Variants in STPG2 observed in about 807,000 individuals in gnomAD.
STPG2 encodes sperm-tail PG-rich repeat-containing protein 2.
STPG2 carries 56 observed loss-of-function variants against 54.2 expected under a neutral mutation model. The observed-to-expected ratio is 1.03, with a 90% CI of 0.83 to 1.29. The LOEUF is 1.29. Ranked by LOEUF, STPG2 falls within the 50% of genes most tolerant of loss-of-function variation. The pLI is 0.00. For synonymous variants in STPG2, 200 were observed against 181.8 expected (o/e 1.10, Z -0.81); for missense variants, 596 against 544.9 (o/e 1.09, Z -0.93).
intron 4 of STPG2, among the ~76,000 whole-genome samples, chr4:97,543,240 T>C (rs537713452): frequency 2.2e-4 from 33 of 151,638 alleles, no homozygotes; most frequent in Non-Finnish European, 3.1e-4. Context: ...AAATTTCGTT[T>C]ATAAAGAAAA....
chr4:97,546,896 G>T (rs1731845156), intron 4 of STPG2, among the ~76,000 whole-genome samples: 1 of 152,080 alleles, frequency 6.6e-6, no homozygotes, highest in Non-Finnish European at 1.5e-5. Flanking sequence ...TGTGAGAAGT[G>T]AAACAACAGA....
At chr4:97,733,628 C>T (rs995738778) in intron 9 of STPG2, among the ~76,000 whole-genome samples, 2 of 152,066 alleles carry the variant, frequency 1.3e-5, no homozygotes, top group Admixed American at 1.3e-4. Flanking sequence ...GTCATGGAAG[C>T]TCTTGTAGCT....
chr4:97,923,522 C>T (rs922183566), intron 8 of STPG2, among the ~76,000 whole-genome samples: 16 of 152,250 alleles, frequency 1.1e-4, no homozygotes, highest in Non-Finnish European at 1.9e-4. Context: ...TTATGTCTAG[C>T]TAAGGGATTG....
intron 5 of STPG2, among the ~76,000 whole-genome samples, chr4:97,986,187 T>C (rs1040242664): frequency 9.2e-5 from 14 of 152,190 alleles, no homozygotes; most frequent in African/African-American, 3.4e-4. Flanking sequence ...TTAAGTACAA[T>C]AAAATCAAAG....
At chr4:97,686,371 G>T (rs1053417689) in intron 10 of STPG2, among the ~76,000 whole-genome samples, 1 of 152,072 alleles carries the variant, frequency 6.6e-6, no homozygotes. Flanking sequence ...GAAACTCTCT[G>T]GGCATGGCTA....
chr4:97,619,524 G>GT (rs5860507), intron 10 of STPG2, among the ~76,000 whole-genome samples: 84,915 of 142,314 alleles, frequency 0.6, 25,236 homozygotes, highest in South Asian at 0.71. Context: ...TGATTCCAGT[G>GT]TTTTTTTTTT....
chr4:97,836,476 T>G (rs1294481898), intron 9 of STPG2, among the ~76,000 whole-genome samples: 1 of 151,948 alleles, frequency 6.6e-6, no homozygotes, highest in African/African-American at 2.4e-5. Context: ...AACATATTTT[T>G]TATGTACTGG....
intron 10 of STPG2, among the ~76,000 whole-genome samples, chr4:97,645,812 T>C (rs1721897027): frequency 1.3e-5 from 2 of 152,124 alleles, no homozygotes; most frequent in South Asian, 4.1e-4. Flanking sequence ...AGGTTGTTTA[T>C]AGATTCCCTC....
intron 8 of STPG2, among the ~76,000 whole-genome samples, chr4:97,918,799 C>A (rs1032908985): frequency 6.6e-6 from 1 of 151,888 alleles, no homozygotes; most frequent in Non-Finnish European, 1.5e-5. Flanking sequence ...ATATAATGAA[C>A]TCTGGAAACT....
chr4:97,516,046 AT>A (rs1731069376), intron 4 of STPG2, among the ~76,000 whole-genome samples: 1 of 152,008 alleles, frequency 6.6e-6, no homozygotes. Flanking sequence ...GCAACCCATA[AT>A]TTTTTTGTCC....
At chr4:97,711,763 A>C (rs958149327) in intron 10 of STPG2, among the ~76,000 whole-genome samples, 11 of 147,584 alleles carry the variant, frequency 7.5e-5, no homozygotes, top group African/African-American at 2.8e-4. Flanking sequence ...TCTGCCTCCC[A>C]GATCCAAGCG....
At chr4:97,671,516 C>T (rs1376678614) in intron 10 of STPG2, among the ~76,000 whole-genome samples, 1 of 152,106 alleles carries the variant, frequency 6.6e-6, no homozygotes, top group African/African-American at 2.4e-5. Context: ...AGTTATTCTC[C>T]ACAAAACAAC....
intron 8 of STPG2, among the ~76,000 whole-genome samples, chr4:97,913,024 CGCT>C (rs1488356113): frequency 6.6e-6 from 1 of 152,148 alleles, no homozygotes; most frequent in African/African-American, 2.4e-5. Context: ...AACAAATTTA[CGCT>C]GATGTCTATC....
chr4:97,653,233 C>A (rs973007703), intron 10 of STPG2, among the ~76,000 whole-genome samples: 6 of 151,886 alleles, frequency 4.0e-5, no homozygotes, highest in Non-Finnish European at 5.9e-5. Context: ...TATTAGGGAA[C>A]CACGTAGCAG....
intron 7 of STPG2, among the ~76,000 whole-genome samples, chr4:97,952,905 T>C (rs1227344423): frequency 2.6e-5 from 4 of 152,150 alleles, no homozygotes; most frequent in Admixed American, 6.5e-5. Context: ...GATACTGTAA[T>C]GCATTGTGTC....
intron 5 of STPG2, among the ~76,000 whole-genome samples, chr4:98,019,824 T>C (rs1438898821): frequency 8.4e-6 from 1 of 119,258 alleles, no homozygotes; most frequent in Admixed American, 8.0e-5. Flanking sequence ...TGTTTGTCTG[T>C]TGTTGGTGTA....
chr4:97,593,490 G>T (rs140322158), intron 10 of STPG2, among the ~76,000 whole-genome samples: 1 of 152,056 alleles, frequency 6.6e-6, no homozygotes, highest in Non-Finnish European at 1.5e-5. Context: ...ATTTGTACAC[G>T]GATGCCAACA....
chr4:97,479,381 A>G (rs1020153031), intron 4 of STPG2, among the ~76,000 whole-genome samples: 1 of 152,000 alleles, frequency 6.6e-6, no homozygotes. Flanking sequence ...ACCAAAATGC[A>G]CCAGACTATA....
intron 1 of STPG2, among the ~76,000 whole-genome samples, chr4:98,141,056 T>C (rs1014025442): frequency 2.4e-5 from 3 of 125,514 alleles, no homozygotes; most frequent in African/African-American, 9.4e-5. Context: ...GACTAAGCTC[T>C]GATTTTTTTT....
Sources: allele counts gnomAD v4.1 joint callset (sites outside exome capture counted in the v4.1 genomes callset), GRCh38; gene constraint gnomAD v4.1.1; transcripts MANE v1.5; gene names NCBI Gene and HGNC (gene_info 2026-07-23, HGNC 2026-07-21).